The following ZBED4 variants were observed in gnomAD, a reference collection of about 807,000 sequenced individuals.
ZBED4 encodes zinc finger BED domain-containing protein 4.
A neutral mutation model predicts 15.5 loss-of-function variants in ZBED4; 4 were observed. The observed-to-expected ratio is 0.26, with a 90% CI of 0.13 to 0.59. The LOEUF is 0.59. ZBED4 is among the 20% of genes least tolerant of loss of function. ZBED4 has a pLI of 0.90. For synonymous variants in ZBED4, 692 were observed against 608.5 expected, an observed-to-expected ratio of 1.14 and a Z score of -2.02; for missense variants, 1,323 against 1,461.8, an observed-to-expected ratio of 0.91 and a Z score of 1.55.
In ZBED4 at chr22:49,884,380, T is replaced by A; in HGVS notation, c.718T>A (p.Ser240Thr). 6.2e-7 allele frequency: 1 copy of A among 1,612,804 alleles called. No homozygotes were observed. The highest frequency in any genetic ancestry group is 2.2e-5 in the East Asian group (1 of 44,872). Reference protein sequence around the residue: ...VSSEEISSDMSVSEKCGREEA... With the variant: ...VSSEEISSDMTVSEKCGREEA... Reference sequence around the variant, plus strand: ...TTCTGAAGAAATCTCCTCTGACATGTCCGTTTCGGAGAAGTGCGGCAGAGA... The same window carrying A: ...TTCTGAAGAAATCTCCTCTGACATGACCGTTTCGGAGAAGTGCGGCAGAGA... Residue 240 changes from serine to threonine, a missense_variant, in exon 2 of 2, where the codon TCC (serine) becomes ACC (threonine). Ser to Thr is a moderately conservative substitution (Grantham distance 58). Transcript: ENST00000216268.
At chr22:49,876,803 T>G (rs963506513) in intron 1 of ZBED4, among the ~76,000 whole-genome samples, 1 of 152,192 alleles carries the variant, frequency 6.6e-6, no homozygotes, top group Non-Finnish European at 1.5e-5. Context: ...TGGCATTCTG[T>G]TTTTAGTAGT....
At chr22:49,860,398 C>A (rs1017789178) in intron 1 of ZBED4, among the ~76,000 whole-genome samples, 1 of 152,114 alleles carries the variant, frequency 6.6e-6, no homozygotes, top group African/African-American at 2.4e-5. Context: ...TTAATAATAT[C>A]ATTGGCCTTG....
rs773947931 is a variant in ZBED4, at chr22:49,885,220, C to G, written c.1558C>G (p.Leu520Val). 11 of 1,613,296 alleles carry G rather than the reference C, an allele frequency of 6.8e-6. No homozygotes were observed. Among genetic ancestry groups the G allele is most frequent in the African/African-American group, 1.3e-5 (1 of 75,024 alleles). ...GSQKGFLGAS[L>V]ANSPYATLAS... ...CCAGAAGGGCTTCCTGGGTGCAAGT[C>G]TGGCAAACTCTCCGTATGCCACTTT... Residue 520 changes from leucine to valine, a missense_variant, in exon 2 of 2, where the codon CTG becomes GTG. By Grantham distance (32) the Leu-to-Val change is conservative (BLOSUM62 1). This residue lies in a region of ZBED4 where 429 missense variants were observed against 397.9 expected (regional missense o/e 1.08). Transcript: ENST00000216268.
At chr22:49,874,672 C>CTGTTTTTTTT (rs2060366992) in intron 1 of ZBED4, among the ~76,000 whole-genome samples, 1 of 37,316 alleles carries the variant, frequency 2.7e-5, no homozygotes, top group Non-Finnish European at 4.4e-5. Context: ...CATGCCCAGC[C>CTGTTTTTTTT]TTTTTTTTTT....
Position 49,883,506 on chromosome 22 carries a change from T to G in ZBED4, c.-157T>G. 1 of 1,066,108 alleles carries G rather than the reference T, an allele frequency of 9.4e-7. No homozygotes were observed. The highest frequency in any genetic ancestry group is 1.3e-6 in the Non-Finnish European group (1 of 775,912). The allele number at this position is 1,066,108 out of a possible 1,614,324, so 66.0% of individuals were successfully genotyped here. Reference sequence around the variant, plus strand: ...AAGACCATGAGTCACAGATTCTTTTTTTCAGTACTATTTATGATTAGCCAT... The same window carrying G: ...AAGACCATGAGTCACAGATTCTTTTGTTCAGTACTATTTATGATTAGCCAT... On this transcript the variant is annotated 5_prime_UTR_variant, in exon 2 of 2. Coordinates refer to ENST00000216268, the MANE Select transcript of ZBED4 (RefSeq NM_014838.3).
At position 49,886,725 on chromosome 22, in the gene ZBED4, G is replaced by A; in HGVS notation, c.3063G>A (p.Glu1021=). The A allele has an allele frequency of 3.1e-6, 5 of 1,613,442 alleles. No homozygotes were observed. The highest frequency in any genetic ancestry group is 4.2e-6 in the Non-Finnish European group (5 of 1,179,862). ...RYKASLFTEE[E]AEQYKQDLIR... is the part of the protein sequence containing the mutation. ...AGGCCTCCCTGTTTACGGAGGAGGA[G>A]GCGGAGCAGTACAAACAGGATTTAA... The change falls in exon 2 of 2, where the codon GAG becomes GAA. Residue 1021 remains glutamate, a synonymous_variant. Transcript: ENST00000216268. This position sits in a 1 kb window ranked among gnomAD's most constrained non-coding sequence, Gnocchi z 7.7.
At chr22:49,855,131 A>C (rs1195173838) in intron 1 of ZBED4, among the ~76,000 whole-genome samples, 1 of 152,226 alleles carries the variant, frequency 6.6e-6, no homozygotes, top group Non-Finnish European at 1.5e-5. Flanking sequence ...GGACGTCCGT[A>C]CAAGGCTGCA....
chr22:49,872,766 G>C (rs571655271), intron 1 of ZBED4, among the ~76,000 whole-genome samples: 1 of 151,140 alleles, frequency 6.6e-6, no homozygotes, highest in Non-Finnish European at 1.5e-5. Flanking sequence ...GTGCAGTGAC[G>C]TGATCGCGGC....
chr22:49,872,083 G>A (rs942447079), intron 1 of ZBED4, among the ~76,000 whole-genome samples: 2 of 152,094 alleles, frequency 1.3e-5, no homozygotes, highest in Non-Finnish European at 2.9e-5. Context: ...TTGCTACATC[G>A]ATTAACTCTT....
intron 1 of ZBED4, among the ~76,000 whole-genome samples, chr22:49,865,692 G>T (rs1459219460): frequency 6.6e-6 from 1 of 151,830 alleles, no homozygotes; most frequent in Non-Finnish European, 1.5e-5. Flanking sequence ...GCTCACATTG[G>T]GTCCTCATGT....
chr22:49,870,300 G>C (rs1017527429), intron 1 of ZBED4, among the ~76,000 whole-genome samples: 1 of 152,144 alleles, frequency 6.6e-6, no homozygotes, highest in African/African-American at 2.4e-5. Flanking sequence ...TGTGTACATG[G>C]GGTTTTTTTG....
At chr22:49,864,936 A>ACCCCC (rs1226859674) in intron 1 of ZBED4, among the ~76,000 whole-genome samples, 2 of 14,206 alleles carry the variant, frequency 1.4e-4, no homozygotes, top group Non-Finnish European at 2.2e-4. Context: ...TATCCCAGCA[A>ACCCCC]GCCCCCCCCC....
intron 1 of ZBED4, among the ~76,000 whole-genome samples, chr22:49,877,052 G>C (rs748551718): frequency 1.3e-5 from 2 of 151,902 alleles, no homozygotes; most frequent in Non-Finnish European, 2.9e-5. Flanking sequence ...TTGAAAATCA[G>C]TCAGATTTAC....
Position 49,883,616 on chromosome 22 carries a change from C to A in ZBED4, c.-47C>A. On this transcript the variant is annotated 5_prime_UTR_variant, in exon 2 of 2. Coordinates refer to ENST00000216268, the MANE Select transcript of ZBED4 (RefSeq NM_014838.3). ...CGGGGGCACAAATGAGCACTTGGATCAGTGTTTTATGAACCTAAGATACAG... is the reference window on the plus strand; with the variant it reads ...CGGGGGCACAAATGAGCACTTGGATAAGTGTTTTATGAACCTAAGATACAG... The A allele has an allele frequency of 6.8e-7, 1 of 1,476,916 alleles. No individual in the cohort carries two copies. The highest frequency in any genetic ancestry group is 1.5e-5 in the South Asian group (1 of 65,678). The allele number at this position is 1,476,916 out of a possible 1,614,324, so 91.5% of individuals were successfully genotyped here. A position where few individuals can be genotyped will look rare whatever the true frequency, so the allele number is the denominator to read the frequency against.
Position 49,884,978 on chromosome 22 carries a change from G to A in ZBED4, c.1316G>A (p.Arg439Lys), listed in dbSNP as rs377369650. ...CAGCAGGCTGATGGGCTGAGTCCTA[G>A]ATTGTTTGAATCTGGCGCCATCTTC... ...EKQQADGLSP[R>K]LFESGAIFQQ... is the part of the protein sequence containing the mutation. Residue 439 changes from arginine to lysine, a missense_variant, in exon 2 of 2, where the codon AGA becomes AAA. Transcript: ENST00000216268. 1.7e-5 allele frequency: 28 copies of A among 1,613,588 alleles called. No individual in the cohort carries two copies. In the African/African-American group the frequency reaches 3.6e-4, roughly 21 times the overall value.
chr22:49,868,763 A>G (rs917317945), intron 1 of ZBED4, among the ~76,000 whole-genome samples: 2 of 152,068 alleles, frequency 1.3e-5, no homozygotes, highest in African/African-American at 4.8e-5. Context: ...GGTTGAGCAA[A>G]TGAGGAAATC....
chr22:49,871,536 A>G (rs1299768735), intron 1 of ZBED4, among the ~76,000 whole-genome samples: 1 of 152,078 alleles, frequency 6.6e-6, no homozygotes, highest in Non-Finnish European at 1.5e-5. Flanking sequence ...TAAGCGTGCA[A>G]TAGCATGACG....
intron 1 of ZBED4, among the ~76,000 whole-genome samples, chr22:49,861,459 C>T (rs570895923): frequency 1.7e-4 from 26 of 151,606 alleles, no homozygotes; most frequent in African/African-American, 5.6e-4. Flanking sequence ...TTTGAGATAG[C>T]GTCTGGCTCT....
chr22:49,860,733 C>T (rs949995677), intron 1 of ZBED4, among the ~76,000 whole-genome samples: 1 of 151,194 alleles, frequency 6.6e-6, no homozygotes, highest in Non-Finnish European at 1.5e-5. Flanking sequence ...AAGGTCAGAA[C>T]TACATAAAAG....
Sources: allele counts gnomAD v4.1 joint callset (sites outside exome capture counted in the v4.1 genomes callset), GRCh38; gene constraint gnomAD v4.1.1; regional missense constraint gnomAD v4.1.1; non-coding constraint Gnocchi (gnomAD v3.1); transcripts MANE v1.5; gene names NCBI Gene and HGNC (gene_info 2026-07-23, HGNC 2026-07-21).